The following AGAP3 variants were observed in gnomAD, a reference collection of about 807,000 sequenced individuals.
The protein encoded by AGAP3 is ArfGAP with GTPase domain, ankyrin repeat and PH domain 3.
Under a neutral mutation model 96.9 loss-of-function variants are expected in AGAP3, and 24 were observed. The observed-to-expected ratio is 0.25, with a 90% CI of 0.18 to 0.35. The LOEUF is 0.35. AGAP3 is among the 10% of genes least tolerant of loss of function. The probability of loss-of-function intolerance (pLI) is 1.00; values close to 1 mark genes in which losing one functional copy is unlikely to be tolerated. For missense variants in AGAP3, 876 were observed against 1,254.2 expected (o/e 0.70, Z 4.55); for synonymous variants, 563 against 536.1 (o/e 1.05, Z -0.69).
chr7:151,110,085 C>T (rs949472292), intron 1 of AGAP3, among the ~76,000 whole-genome samples: 2 of 152,226 alleles, frequency 1.3e-5, no homozygotes, highest in Non-Finnish European at 2.9e-5. Context: ...GTGCGCCGTG[C>T]CTTTCAACTT....
Position 151,086,883 on chromosome 7 carries a change from G to A in AGAP3, c.142G>A (p.Gly48Ser). The change falls in exon 1 of 18, where the codon GGC (glycine) becomes AGC (serine). Residue 48 changes from glycine to serine, a missense_variant. Gly to Ser is a moderately conservative substitution (Grantham distance 56). This residue lies in a region of AGAP3 where 62 missense variants were observed against 82.8 expected (regional missense o/e 0.75). Coordinates refer to ENST00000397238, the MANE Select transcript of AGAP3 (RefSeq NM_031946.7). ...GGGGCCCGGGGCCGGGGGCGGCGGCGGCCCCTCGCAGCAGCTGGCCGGCGG... is the reference window on the plus strand; with the variant it reads ...GGGGCCCGGGGCCGGGGGCGGCGGCAGCCCCTCGCAGCAGCTGGCCGGCGG... ...GAGPGAGGGGGPSQQLAGGPP... is the reference protein window; with the variant it reads ...GAGPGAGGGGSPSQQLAGGPP... 1 of 1,320,842 alleles carries A rather than the reference G, an allele frequency of 7.6e-7. No individual in the cohort carries two copies. The highest frequency in any genetic ancestry group is 9.7e-7 in the Non-Finnish European group (1 of 1,026,014). 81.8% of individuals were successfully genotyped at this position (1,320,842 alleles called of 1,614,324 possible).
chr7:151,129,882 C>T (rs902452346), intron 10 of AGAP3, among the ~76,000 whole-genome samples: 10 of 152,176 alleles, frequency 6.6e-5, no homozygotes, highest in Admixed American at 6.5e-4. Flanking sequence ...AAGGAAGGGC[C>T]GGAAGACAAG....
rs1206414003 is a variant in AGAP3, at chr7:151,138,157, G to A, written c.1510G>A (p.Ala504Thr). Residue 504 changes from alanine to threonine, a missense_variant, in exon 12 of 18, where the codon GCC (alanine) becomes ACC (threonine). Ala to Thr is a moderately conservative substitution (Grantham distance 58). Around this residue, in one of 8 missense-constraint regions of AGAP3, gnomAD observed 155 missense variants for 144.4 expected, o/e 1.07. Coordinates refer to ENST00000397238, the MANE Select transcript of AGAP3 (RefSeq NM_031946.7). ...CCCGCCCCCAGGTGCCCCCCACTCG[G>A]CCAGCAGCGCATCCCTGCACTCTGA... The part of the protein sequence containing the change: ...LGGGTGAPHS[A>T]SSASLHSERP... The A allele has an allele frequency of 6.2e-7, 1 of 1,601,338 alleles. No individual in the cohort carries two copies. Among genetic ancestry groups the A allele is most frequent in the Admixed American group, 1.7e-5 (1 of 58,798 alleles).
chr7:151,098,076 G>A (rs371763422), intron 1 of AGAP3, among the ~76,000 whole-genome samples: 11 of 151,924 alleles, frequency 7.2e-5, no homozygotes, highest in African/African-American at 2.4e-4. Flanking sequence ...ATAACAAATG[G>A]GACCAAGCGC....
intron 1 of AGAP3, among the ~76,000 whole-genome samples, chr7:151,098,982 C>T (rs62490310): frequency 0.78 from 117,508 of 151,144 alleles, 45,741 homozygotes; most frequent in East Asian, 0.98. Flanking sequence ...GCAGTCCACT[C>T]ACCTTGGCCT....
intron 1 of AGAP3, among the ~76,000 whole-genome samples, chr7:151,098,253 G>A (rs949538191): frequency 6.6e-5 from 10 of 152,280 alleles, no homozygotes; most frequent in Non-Finnish European, 1.0e-4. Flanking sequence ...CAGCTACTCC[G>A]GAAGCTGAGG....
At position 151,118,801 on chromosome 7, in the gene AGAP3, C is replaced by A. The variant is rs1168153418; in HGVS notation, c.969+169C>A. ...GGTTGGAATTCCATTTAGCCGGCAC[C>A]GTAGCCTTGGCCTCATCCCTGCCCC... On this transcript the variant is annotated intron_variant, in intron 7 of 17. Coordinates refer to ENST00000397238, the MANE Select transcript of AGAP3 (RefSeq NM_031946.7). This position sits in a 1 kb window ranked among gnomAD's most constrained non-coding sequence, Gnocchi z 6.1. 6.6e-6 allele frequency among the ~76,000 whole-genome samples: 1 copy of A among 152,180 alleles called. No individual in the cohort carries two copies. Among genetic ancestry groups the A allele is most frequent in the Non-Finnish European group, 1.5e-5 (1 of 68,042 alleles).
At position 151,134,381 on chromosome 7, in the gene AGAP3, TCTCC is replaced by T. The variant is rs1259545776; in HGVS notation, c.1327-17_1327-14del. On this transcript the variant is annotated splice_polypyrimidine_tract_variant and intron_variant, in intron 10 of 17. Transcript: ENST00000397238. ...TGCTGCTAACCAGTCTTCATCTGTC[TCTCC>T]CACCCGGCCTGCAGGATTACATGCA... 2 of 1,612,784 alleles carry T rather than the reference TCTCC, an allele frequency of 1.2e-6. No individual in the cohort carries two copies. Among genetic ancestry groups the T allele is most frequent in the African/African-American group, 1.3e-5 (1 of 74,978 alleles).
At chr7:151,132,409 G>A (rs1224485270) in intron 10 of AGAP3, among the ~76,000 whole-genome samples, 1 of 152,258 alleles carries the variant, frequency 6.6e-6, no homozygotes, top group Non-Finnish European at 1.5e-5. Context: ...AGAGGACTGG[G>A]GTGGCAGGAG....
rs532718288 is a variant in AGAP3 at position 151,141,866 on chromosome 7, G to C, written c.1805-32G>C. ...TGCCCTGGGTGTGCACGCAGGCCAG[G>C]AGCCCTGATGGCATAAACACCCCCC... is the stretch of plus-strand genomic sequence containing the variant. On this transcript the variant is annotated intron_variant, in intron 13 of 17. Coordinates refer to ENST00000397238, the MANE Select transcript of AGAP3 (RefSeq NM_031946.7). The surrounding 1 kb of genome is among the most constrained non-coding windows in gnomAD (Gnocchi z 4.2). 3.7e-6 allele frequency: 6 copies of C among 1,614,126 alleles called. No individual in the cohort carries two copies. The South Asian group carries it at 6.6e-5, about 18-fold the overall frequency.
chr7:151,115,378 C>T, intron 1 of AGAP3: 1 of 1,021,842 alleles, frequency 9.8e-7, no homozygotes. Context: ...GTGCGGCGCT[C>T]CGAGTCAGGG....
intron 8 of AGAP3, chr7:151,120,401 C>T (rs1006412190): frequency 1.5e-6 from 1 of 670,714 alleles, no homozygotes; most frequent in Admixed American, 2.1e-5. Flanking sequence ...CCCTCTGCCG[C>T]ACACACTCAC....
In AGAP3 at chr7:151,114,709, C is replaced by CGGCCCG. The variant is rs1799455065; in HGVS notation, c.332-2078_332-2073dup. ...GGTCCGTGCGCCCCGGCCGCGGCCC[C>CGGCCCG]GGCCCGGGCCCAGCCCCGTGCCCCT... On this transcript the variant is annotated intron_variant, in intron 1 of 17. Coordinates refer to ENST00000397238, the MANE Select transcript of AGAP3 (RefSeq NM_031946.7). This position sits in a 1 kb window ranked among gnomAD's most constrained non-coding sequence, Gnocchi z 4.4. 3.0e-6 allele frequency: 3 copies of CGGCCCG among 998,546 alleles called. No individual in the cohort carries two copies. Among genetic ancestry groups the CGGCCCG allele is most frequent in the Non-Finnish European group, 3.6e-6 (3 of 839,298 alleles). 61.9% of individuals were successfully genotyped at this position (998,546 alleles called of 1,614,324 possible). A position where few individuals can be genotyped will look rare whatever the true frequency, so the allele number is the denominator to read the frequency against.
intron 8 of AGAP3, among the ~76,000 whole-genome samples, chr7:151,121,600 C>T (rs1178719808): frequency 6.6e-6 from 1 of 152,154 alleles, no homozygotes; most frequent in African/African-American, 2.4e-5. Flanking sequence ...CGGCCTCCTC[C>T]CTTGCGCCCC....
At chr7:151,112,316 A>C (rs1365190208) in intron 1 of AGAP3, 1 of 152,116 alleles carries the variant, frequency 6.6e-6, no homozygotes, top group Non-Finnish European at 1.5e-5. Context: ...CTGATTCTGC[A>C]GGTGCAGTGG....
chr7:151,114,173 C>A lies in AGAP3; in HGVS notation c.332-2620C>A, dbSNP rs1018951715. Among the ~76,000 whole-genome samples, 2 of 152,244 alleles carry A rather than the reference C, an allele frequency of 1.3e-5. No homozygotes were observed. The highest frequency in any genetic ancestry group is 4.8e-5 in the African/African-American group (2 of 41,462). On this transcript the variant is annotated intron_variant, in intron 1 of 17. Transcript: ENST00000397238. This position sits in a 1 kb window ranked among gnomAD's most constrained non-coding sequence, Gnocchi z 4.4. ...ACCGACTGTAGCAGCCAGCAACTCTCGACCTCAGAATGTCAGAGCCGAAAC... is the reference window on the plus strand; with the variant it reads ...ACCGACTGTAGCAGCCAGCAACTCTAGACCTCAGAATGTCAGAGCCGAAAC...
At position 151,133,649 on chromosome 7, in the gene AGAP3, ATAAGCCTTTC is replaced by A. The variant is rs1800482951; in HGVS notation, c.1327-743_1327-734del. Among the ~76,000 whole-genome samples, 2 of 152,206 alleles carry A rather than the reference ATAAGCCTTTC, an allele frequency of 1.3e-5. No individual in the cohort carries two copies. Among genetic ancestry groups the A allele is most frequent in the African/African-American group, 4.8e-5 (2 of 41,466 alleles). ...CATTTAATCGTGTGTTCCTGGGCAGATAAGCCTTTCTAAGCCTCAGTTGCTTCATCTACAA... is the reference window on the plus strand; with the variant it reads ...CATTTAATCGTGTGTTCCTGGGCAGATAAGCCTCAGTTGCTTCATCTACAA... On this transcript the variant is annotated intron_variant, in intron 10 of 17. Coordinates refer to ENST00000397238, the MANE Select transcript of AGAP3 (RefSeq NM_031946.7). This position sits in a 1 kb window ranked among gnomAD's most constrained non-coding sequence, Gnocchi z 5.4.
At chr7:151,101,793 C>T (rs1585047114) in intron 1 of AGAP3, among the ~76,000 whole-genome samples, 1 of 152,122 alleles carries the variant, frequency 6.6e-6, no homozygotes, top group Non-Finnish European at 1.5e-5. Context: ...GCCAGGGTCT[C>T]GGGAGGCCGG....
intron 9 of AGAP3, among the ~76,000 whole-genome samples, chr7:151,124,606 A>C (rs1416921582): frequency 6.6e-6 from 1 of 152,190 alleles, no homozygotes; most frequent in Non-Finnish European, 1.5e-5. Flanking sequence ...GGCCATGTAC[A>C]TAGGCAGCCG....
Sources: allele counts gnomAD v4.1 joint callset (sites outside exome capture counted in the v4.1 genomes callset), GRCh38; gene constraint gnomAD v4.1.1; regional missense constraint gnomAD v4.1.1; non-coding constraint Gnocchi (gnomAD v3.1); transcripts MANE v1.5; gene names NCBI Gene and HGNC (gene_info 2026-07-23, HGNC 2026-07-21).